The following ANKS1A variants were observed in gnomAD, a reference collection of about 807,000 sequenced individuals.
ANKS1A encodes the protein ankyrin repeat and sterile alpha motif domain containing 1A, also known as ankyrin repeat and SAM domain-containing protein 1A.
Under a neutral mutation model 120.3 loss-of-function variants are expected in ANKS1A, and 55 were observed. The observed-to-expected ratio is 0.46, with a 90% CI of 0.37 to 0.57. ANKS1A has a LOEUF of 0.57. ANKS1A is among the 20% of genes least tolerant of loss of function. The pLI, the probability that ANKS1A is intolerant of heterozygous loss-of-function variation, is 0.00. For synonymous variants in ANKS1A, 590 were observed against 604.7 expected, an observed-to-expected ratio of 0.98 and a Z score of 0.36; for missense variants, 1,123 against 1,480.3, an observed-to-expected ratio of 0.76 and a Z score of 3.96.
At chr6:35,029,989 A>C (rs1774825005) in intron 11 of ANKS1A, among the ~76,000 whole-genome samples, 1 of 152,050 alleles carries the variant, frequency 6.6e-6, no homozygotes. Flanking sequence ...TTTAGCAACA[A>C]TTTGATCTAG....
intron 8 of ANKS1A, among the ~76,000 whole-genome samples, chr6:34,986,949 C>T (rs1236576709): frequency 6.6e-6 from 1 of 152,244 alleles, no homozygotes; most frequent in African/African-American, 2.4e-5. Context: ...TTAGGGGGCG[C>T]TGCAGTCTTT....
Position 35,090,459 on chromosome 6 carries a change from C to CT in ANKS1A, c.*1854dup. On this transcript the variant is annotated 3_prime_UTR_variant, in exon 24 of 24. Coordinates refer to ENST00000360359, the MANE Select transcript of ANKS1A (RefSeq NM_015245.3). ...CACTACGATGCACTCCTCAAGCTGTCTTTTGTGCTTAGATCATCCATAGGT... is the reference window on the plus strand; with the variant it reads ...CACTACGATGCACTCCTCAAGCTGTCTTTTTGTGCTTAGATCATCCATAGGT... 1 of 1,166,324 alleles carries CT rather than the reference C, an allele frequency of 8.6e-7. No individual in the cohort carries two copies. Among genetic ancestry groups the CT allele is most frequent in the Non-Finnish European group, 1.1e-6 (1 of 929,088 alleles). The allele number at this position is 1,166,324 out of a possible 1,614,324, so 72.2% of individuals were successfully genotyped here.
intron 11 of ANKS1A, among the ~76,000 whole-genome samples, chr6:35,021,767 CCT>C (rs1774354786): frequency 6.6e-6 from 1 of 152,026 alleles, no homozygotes; most frequent in Non-Finnish European, 1.5e-5. Flanking sequence ...AGGTGGATTA[CCT>C]GAGGTCAGGA....
At chr6:34,901,587 T>C (rs1767353581) in intron 1 of ANKS1A, among the ~76,000 whole-genome samples, 1 of 152,194 alleles carries the variant, frequency 6.6e-6, no homozygotes, top group African/African-American at 2.4e-5. Context: ...CACAGCTCAT[T>C]GTAACTTCAG....
At position 34,940,996 on chromosome 6, in the gene ANKS1A, A is replaced by AT. The variant is rs1385846988; in HGVS notation, c.198-26233dup. ...TATAGTATTTCTACCTCTAAAAAAA[A>AT]TTTTTTTTTTGAGATGGAGTCTTGC... On this transcript the variant is annotated intron_variant, in intron 1 of 23. Transcript: ENST00000360359. Among the ~76,000 whole-genome samples, 18 of 150,510 alleles carry AT rather than the reference A, an allele frequency of 1.2e-4. No individual in the cohort carries two copies. In the East Asian group the frequency reaches 1.8e-3, roughly 15 times the overall value.
intron 1 of ANKS1A, among the ~76,000 whole-genome samples, chr6:34,938,268 T>TA (rs1441374398): frequency 1.3e-5 from 2 of 152,240 alleles, no homozygotes; most frequent in African/African-American, 2.4e-5. Context: ...CAACTGGCCC[T>TA]AAAAAATCAA....
At chr6:34,913,672 T>C (rs1768010779) in intron 1 of ANKS1A, among the ~76,000 whole-genome samples, 1 of 152,172 alleles carries the variant, frequency 6.6e-6, no homozygotes, top group Non-Finnish European at 1.5e-5. Context: ...AGTTTTGCTC[T>C]GTTGCCCAGG....
At chr6:35,018,121 C>T (rs1285204175) in intron 11 of ANKS1A, 62 bp downstream of exon 11, 1 of 1,519,366 alleles carries the variant, frequency 6.6e-7, no homozygotes, top group African/African-American at 1.4e-5. Flanking sequence ...CCCACCACAG[C>T]TCCCGTGAGT....
chr6:34,932,351 A>G (rs1248572606), intron 1 of ANKS1A, among the ~76,000 whole-genome samples: 2 of 151,942 alleles, frequency 1.3e-5, no homozygotes, highest in Admixed American at 1.3e-4. Context: ...GCCCCTGGCT[A>G]TTTATATTTT....
chr6:35,039,192 C>CT (rs35565672), intron 11 of ANKS1A, among the ~76,000 whole-genome samples: 46,245 of 84,100 alleles, frequency 0.55, 13,545 homozygotes, highest in Non-Finnish European at 0.57. Context: ...CTCCCTCATA[C>CT]TTTTTTTTTT....
At chr6:34,930,572 C>A in intron 1 of ANKS1A, among the ~76,000 whole-genome samples, 1 of 152,250 alleles carries the variant, frequency 6.6e-6, no homozygotes, top group African/African-American at 2.4e-5. Flanking sequence ...TAGGGTTGAG[C>A]GAGATGTCCT....
At chr6:35,018,630 A>G (rs977658781) in intron 11 of ANKS1A, among the ~76,000 whole-genome samples, 5 of 151,924 alleles carry the variant, frequency 3.3e-5, no homozygotes, top group African/African-American at 1.2e-4. Context: ...GGTACGATTG[A>G]TCTCATCACC....
At chr6:35,028,284 A>G (rs1300140435) in intron 11 of ANKS1A, among the ~76,000 whole-genome samples, 1 of 152,196 alleles carries the variant, frequency 6.6e-6, no homozygotes, top group African/African-American at 2.4e-5. Flanking sequence ...GACAGTGAAG[A>G]GTGCCGTGGA....
chr6:35,007,836 A>G (rs753186885), intron 10 of ANKS1A, among the ~76,000 whole-genome samples: 7 of 152,254 alleles, frequency 4.6e-5, no homozygotes, highest in Non-Finnish European at 1.0e-4. Context: ...CAGTTTGTGC[A>G]TGAGTATGAA....
At chr6:35,055,706 G>A (rs945274701) in intron 12 of ANKS1A, among the ~76,000 whole-genome samples, 25 of 152,148 alleles carry the variant, frequency 1.6e-4, no homozygotes, top group African/African-American at 5.8e-4. Flanking sequence ...CTCACTGGCC[G>A]TGGCTCCCTC....
Position 34,983,118 on chromosome 6 carries a change from G to C in ANKS1A, c.814G>C (p.Asp272His), listed in dbSNP as rs769495288. 5.6e-6 allele frequency: 9 copies of C among 1,613,852 alleles called. No individual in the cohort carries two copies. The highest frequency in any genetic ancestry group is 7.6e-6 in the Non-Finnish European group (9 of 1,179,960). ...CACCTGGTGTGCCTTTCTAGGAACT[G>C]ACGTCAACATAAAAGATAACCATGG... ...VVQILLAAGT[D>H]VNIKDNHGLT... The change falls in exon 6 of 24, where the codon GAC (aspartate) becomes CAC (histidine). Residue 272 changes from aspartate to histidine, a missense_variant. This residue lies in a region of ANKS1A where 904 missense variants were observed against 1,130.4 expected (regional missense o/e 0.80). Coordinates refer to ENST00000360359, the MANE Select transcript of ANKS1A (RefSeq NM_015245.3).
At chr6:34,931,438 G>A (rs1289777349) in intron 1 of ANKS1A, among the ~76,000 whole-genome samples, 2 of 152,116 alleles carry the variant, frequency 1.3e-5, no homozygotes, top group Admixed American at 6.5e-5. Context: ...GTGAGCCACC[G>A]TGCCCAGCCT....
rs764181488 is a variant in ANKS1A, at chr6:35,017,678, G to A, written c.1629G>A (p.Gln543=). 1 of 1,614,028 alleles carries A rather than the reference G, an allele frequency of 6.2e-7. No individual in the cohort carries two copies. Among genetic ancestry groups the A allele is most frequent in the East Asian group, 2.2e-5 (1 of 44,878 alleles). The change falls in exon 11 of 24, where the codon CAG becomes CAA. Residue 543 remains glutamine, a synonymous_variant. Coordinates refer to ENST00000360359, the MANE Select transcript of ANKS1A (RefSeq NM_015245.3). ...QQGACHKASM[Q]LEETGVHAPG... ...GCGCCTGCCACAAGGCCAGCATGCA[G>A]CTGGAGGAGACGGGTGTGCATGCTC...
At chr6:35,093,899 C>A (rs764589173), downstream of ANKS1A, among the ~76,000 whole-genome samples, 1 of 152,230 alleles carries the variant, frequency 6.6e-6, no homozygotes, top group Non-Finnish European at 1.5e-5. Context: ...AGGTGCCCAA[C>A]AACCTCACGC....
Sources: gnomAD v4.1 joint callset for allele counts (sites outside exome capture counted in the v4.1 genomes callset) on GRCh38, gnomAD v4.1.1 for gene constraint, gnomAD v4.1.1 regional missense constraint, MANE v1.5 for transcripts, NCBI Gene and HGNC (gene_info 2026-07-23, HGNC 2026-07-21) for gene names.